CYP19A1: variants seen among roughly 807,000 people sequenced by gnomAD.
CYP19A1 encodes the protein cytochrome P450 family 19 subfamily A member 1.
In CYP19A1, 32 loss-of-function variants were observed where a neutral mutation model predicts 44.4. That is an observed-to-expected ratio of 0.72 (90% confidence interval 0.54 to 0.97). The LOEUF (loss-of-function observed/expected upper bound fraction) is 0.97, where lower values mean the gene tolerates loss of function less well. Ranked by LOEUF, CYP19A1 falls within the 50% of genes least tolerant of loss-of-function variation. The probability of loss-of-function intolerance (pLI) is 0.00; values close to 1 mark genes in which losing one functional copy is unlikely to be tolerated. For missense variants in CYP19A1, 598 were observed against 637.8 expected, an observed-to-expected ratio of 0.94 and a Z score of 0.67; for synonymous variants, 212 against 215.6, an observed-to-expected ratio of 0.98 and a Z score of 0.14.
intron 1 of CYP19A1, among the ~76,000 whole-genome samples, chr15:51,271,890 A>G (rs1424586876): frequency 6.6e-6 from 1 of 152,252 alleles, no homozygotes; most frequent in East Asian, 1.9e-4. Flanking sequence ...TGATATTAAA[A>G]AGCCAGCAGT....
At chr15:51,331,116 T>A (rs1190864336) in intron 1 of CYP19A1, among the ~76,000 whole-genome samples, 1 of 151,886 alleles carries the variant, frequency 6.6e-6, no homozygotes, top group Non-Finnish European at 1.5e-5. Context: ...ACCAATCGGG[T>A]GGTAGGATGA....
intron 4 of CYP19A1, among the ~76,000 whole-genome samples, chr15:51,223,587 T>TCA (rs1566877201): frequency 1.4e-5 from 1 of 73,460 alleles, no homozygotes; most frequent in African/African-American, 4.9e-5. Flanking sequence ...TCTCTCTCTC[T>TCA]CTCTCTCACA....
At chr15:51,244,611 C>T (rs1015804291) in intron 1 of CYP19A1, among the ~76,000 whole-genome samples, 1 of 152,072 alleles carries the variant, frequency 6.6e-6, no homozygotes, top group Non-Finnish European at 1.5e-5. Flanking sequence ...TGAGTAAGTT[C>T]TATGTGACTT....
chr15:51,317,278 T>G (rs921669538), intron 1 of CYP19A1, among the ~76,000 whole-genome samples: 6 of 152,042 alleles, frequency 3.9e-5, no homozygotes, highest in Admixed American at 3.9e-4. Context: ...ATTATTATTT[T>G]TTTTGTATTT....
intron 1 of CYP19A1, among the ~76,000 whole-genome samples, chr15:51,263,639 A>G (rs1230130733): frequency 6.6e-6 from 1 of 152,200 alleles, no homozygotes; most frequent in Non-Finnish European, 1.5e-5. Context: ...CCAGGGAGGA[A>G]GGCATGAGAT....
At chr15:51,304,706 A>G (rs947791240) in intron 1 of CYP19A1, among the ~76,000 whole-genome samples, 7 of 152,202 alleles carry the variant, frequency 4.6e-5, no homozygotes, top group Non-Finnish European at 1.0e-4. Context: ...CTAAGTCATG[A>G]AATTCCCAGT....
rs1445234718 is a variant in CYP19A1 at position 51,292,941 on chromosome 15, A to G, written c.-39+45554T>C. ...GGCATTGAGGGGCATGTCTGGGAGA[A>G]TATGGATTGAGTGCTCCACTGCCCA... On this transcript the variant is annotated intron_variant, in intron 1 of 9. Transcript: ENST00000396402. 2.6e-5 allele frequency among the ~76,000 whole-genome samples: 4 copies of G among 151,912 alleles called. No homozygotes were observed. In the South Asian group the frequency reaches 6.2e-4, roughly 24 times the overall value.
chr15:51,215,143 G>A lies in CYP19A1; in HGVS notation c.948C>T (p.Phe316=). The A allele has an allele frequency of 6.2e-7, 1 of 1,614,030 alleles. No individual in the cohort carries two copies. Among genetic ancestry groups the A allele is most frequent in the Non-Finnish European group, 8.5e-7 (1 of 1,179,984 alleles). ...AAPDTMSVSL[F]FMLFLIAKHP... is the part of the protein sequence containing the mutation. ...GCTTTGCAATGAGAAATAGCATGAA[G>A]AACAAAGAGACAGACATGGTGTCAG... The change falls in exon 8 of 10, where the codon TTC becomes TTT. Residue 316 remains phenylalanine (F), a synonymous_variant. Coordinates refer to ENST00000396402, the MANE Select transcript of CYP19A1 (RefSeq NM_000103.4).
intron 1 of CYP19A1, among the ~76,000 whole-genome samples, chr15:51,306,699 T>C (rs2036222588): frequency 2.0e-5 from 3 of 152,214 alleles, no homozygotes; most frequent in African/African-American, 7.2e-5. Context: ...CACTGTGCCA[T>C]GATGATGTCT....
Position 51,210,712 on chromosome 15 carries a change from T to C in CYP19A1, c.*96A>G, listed in dbSNP as rs2030862261. The C allele has an allele frequency of 3.5e-6, 3 of 857,670 alleles. No homozygotes were observed. The highest frequency in any genetic ancestry group is 3.3e-5 in the African/African-American group (2 of 60,724). 53.1% of individuals were successfully genotyped at this position (857,670 alleles called of 1,614,324 possible). ...CTATAAAATGCCATGGGCCACTGAG[T>C]GTTCACTGTGAGGATGACACTATTG... is the stretch of plus-strand genomic sequence containing the variant. On this transcript the variant is annotated 3_prime_UTR_variant, in exon 10 of 10. Coordinates refer to ENST00000396402, the MANE Select transcript of CYP19A1 (RefSeq NM_000103.4).
intron 1 of CYP19A1, among the ~76,000 whole-genome samples, chr15:51,316,412 A>G (rs1303213999): frequency 6.6e-6 from 1 of 152,266 alleles, no homozygotes; most frequent in Non-Finnish European, 1.5e-5. Flanking sequence ...AGTCAGGACA[A>G]TTAACTTATC....
chr15:51,304,876 A>AATTGTGT (rs950450016), intron 1 of CYP19A1, among the ~76,000 whole-genome samples: 1 of 143,114 alleles, frequency 7.0e-6, no homozygotes, highest in Admixed American at 6.9e-5. Context: ...TCCCTCAGGT[A>AATTGTGT]ATTGTGTCTC....
At chr15:51,247,445 C>T (rs1022125370) in intron 1 of CYP19A1, among the ~76,000 whole-genome samples, 1 of 149,022 alleles carries the variant, frequency 6.7e-6, no homozygotes, top group Non-Finnish European at 1.5e-5. Context: ...CTCCCCCTGT[C>T]CTTACTTTTT....
At chr15:51,268,519 T>TCCCC (rs34270729) in intron 1 of CYP19A1, among the ~76,000 whole-genome samples, 1 of 138,850 alleles carries the variant, frequency 7.2e-6, no homozygotes, top group Non-Finnish European at 1.6e-5. Context: ...ATCGTTTCCT[T>TCCCC]CCCCCCCCCC....
intron 4 of CYP19A1, among the ~76,000 whole-genome samples, chr15:51,224,090 A>G (rs17523014): frequency 0.013 from 1,979 of 152,330 alleles, 19 homozygotes; most frequent in Non-Finnish European, 0.022. Flanking sequence ...ATCAGCAAAT[A>G]CCATCAATAT....
At position 51,209,497 on chromosome 15, in the gene CYP19A1, T is replaced by G. The variant is rs1183698458; in HGVS notation, c.*1311A>C. 1 of 152,330 alleles carries G rather than the reference T, an allele frequency of 6.6e-6. No individual in the cohort carries two copies. Among genetic ancestry groups the G allele is most frequent in the Non-Finnish European group, 1.5e-5 (1 of 68,022 alleles). The allele number at this position is 152,330 out of a possible 1,614,324, so 9.4% of individuals were successfully genotyped here. A position where few individuals can be genotyped will look rare whatever the true frequency, so the allele number is the denominator to read the frequency against. ...TTTACCTATTTGTAAATAAGTTTAATTTTTTAGTTTTTCAATGACATTCAG... is the reference window on the plus strand; with the variant it reads ...TTTACCTATTTGTAAATAAGTTTAAGTTTTTAGTTTTTCAATGACATTCAG... On this transcript the variant is annotated 3_prime_UTR_variant, in exon 10 of 10. Transcript: ENST00000396402.
At chr15:51,244,055 CTCAA>C (rs549121160) in intron 1 of CYP19A1, among the ~76,000 whole-genome samples, 4 of 152,202 alleles carry the variant, frequency 2.6e-5, no homozygotes, top group Admixed American at 6.5e-5. Context: ...TGCAATGGCT[CTCAA>C]TCAGACTTGT....
intron 1 of CYP19A1, among the ~76,000 whole-genome samples, chr15:51,247,864 C>T (rs545228022): frequency 1.3e-5 from 2 of 152,226 alleles, no homozygotes; most frequent in South Asian, 2.1e-4. Context: ...AGGCATAGTC[C>T]CTAATAATGT....
At chr15:51,212,195 T>G in intron 9 of CYP19A1, 125 bp downstream of exon 9, 1 of 792,906 alleles carries the variant, frequency 1.3e-6, no homozygotes, top group Non-Finnish European at 2.3e-6. Context: ...GTGCTCCTGG[T>G]GAGGTGGCAG....
Sources: allele counts gnomAD v4.1 joint callset (sites outside exome capture counted in the v4.1 genomes callset), GRCh38; gene constraint gnomAD v4.1.1; transcripts MANE v1.5; gene names NCBI Gene and HGNC (gene_info 2026-07-23, HGNC 2026-07-21).